POMT1: variants seen among roughly 807,000 people sequenced by gnomAD.
The protein encoded by POMT1 is protein O-mannosyltransferase 1, also known as protein O-mannosyl-transferase 1.
In POMT1, 85 loss-of-function variants were observed where a neutral mutation model predicts 101.6. The observed-to-expected ratio is 0.84, with a 90% CI of 0.70 to 1.00. The LOEUF is 1.00. Ranked by LOEUF, POMT1 falls within the 50% of genes least tolerant of loss-of-function variation. The pLI is 0.00. For missense variants in POMT1, 857 were observed against 930.4 expected (o/e 0.92, Z 1.03); for synonymous variants, 371 against 383.0 (o/e 0.97, Z 0.37).
intron 2 of POMT1, among the ~76,000 whole-genome samples, chr9:131,505,187 C>T (rs1381860151): frequency 6.6e-6 from 1 of 152,078 alleles, no homozygotes; most frequent in Admixed American, 6.6e-5. Context: ...TTTCATTACC[C>T]AGCTTCACCT....
chr9:131,522,680 T>G lies in POMT1; in HGVS notation c.2004-252T>G. 2 of 590,080 alleles carry G rather than the reference T, an allele frequency of 3.4e-6. No homozygotes were observed. The highest frequency in any genetic ancestry group is 6.0e-6 in the Non-Finnish European group (2 of 331,384). 36.6% of individuals were successfully genotyped at this position (590,080 alleles called of 1,614,324 possible). ...GCCACACAAGGGAGGACCGTGGGTT[T>G]GGGACCAGTCCTCTGGCATCTGTGT... On this transcript the variant is annotated intron_variant, in intron 19 of 19. Coordinates refer to ENST00000402686, the MANE Select transcript of POMT1 (RefSeq NM_001077365.2). This position sits in a 1 kb window ranked among gnomAD's most constrained non-coding sequence, Gnocchi z 5.5.
chr9:131,518,349 C>A, intron 13 of POMT1, 96 bp from the exon 14 acceptor site: 1 of 1,056,842 alleles, frequency 9.5e-7, no homozygotes, highest in Non-Finnish European at 1.5e-6. Flanking sequence ...TTGTCTCAGG[C>A]TCAAGTCAGT....
chr9:131,504,304 G>T lies in POMT1; in HGVS notation c.86G>T (p.Ser29Ile), dbSNP rs771234098. The T allele has an allele frequency of 5.6e-6, 9 of 1,614,100 alleles. No individual in the cohort carries two copies. Among genetic ancestry groups the T allele is most frequent in the Non-Finnish European group, 7.6e-6 (9 of 1,180,042 alleles). ...GCCCTGACTGGGATGGGGTTACTGAGCCGGCTGTGGCGACTCACCTACCCG... is the reference window on the plus strand; with the variant it reads ...GCCCTGACTGGGATGGGGTTACTGATCCGGCTGTGGCGACTCACCTACCCG... Reference protein sequence around the residue: ...LVALTGMGLLSRLWRLTYPRA... With the variant: ...LVALTGMGLLIRLWRLTYPRA... Residue 29 changes from serine to isoleucine, a missense_variant, in exon 2 of 20, where the codon AGC becomes ATC. Physicochemically the swap from Ser to Ile is moderately radical, Grantham distance 142. Transcript: ENST00000402686.
intron 13 of POMT1, among the ~76,000 whole-genome samples, chr9:131,515,940 C>T (rs544849871): frequency 4.9e-5 from 6 of 122,734 alleles, no homozygotes; most frequent in African/African-American, 1.5e-4. Flanking sequence ...GGGAGCACTT[C>T]CTCACACGGA....
chr9:131,522,626 A>G lies in POMT1; in HGVS notation c.2004-306A>G, dbSNP rs1034362797. ...CCAGAGTGTGTTTGGAGGTTGGAGC[A>G]GAGGGCGAGGGCCTCCCGGTTTCAG... On this transcript the variant is annotated intron_variant, in intron 19 of 19. Transcript: ENST00000402686. This position sits in a 1 kb window ranked among gnomAD's most constrained non-coding sequence, Gnocchi z 5.5. The G allele has an allele frequency of 9.2e-6, 5 of 543,890 alleles. No individual in the cohort carries two copies. The South Asian group carries it at 1.0e-4, about 11-fold the overall frequency. 33.7% of individuals were successfully genotyped at this position (543,890 alleles called of 1,614,324 possible). A position where few individuals can be genotyped will look rare whatever the true frequency, so the allele number is the denominator to read the frequency against.
intron 13 of POMT1, 120 bp from the exon 14 acceptor site, chr9:131,518,325 G>A (rs1483789642): frequency 1.8e-5 from 16 of 902,030 alleles, no homozygotes; most frequent in Non-Finnish European, 2.8e-5. Flanking sequence ...TCCCTCACTT[G>A]GGGACTTGTC....
chr9:131,515,392 G>C, intron 12 of POMT1, 34 bp from the exon 13 acceptor site: 2 of 1,603,758 alleles, frequency 1.2e-6, no homozygotes, highest in Non-Finnish European at 1.7e-6. Context: ...AGGAGTTCAA[G>C]GAATTTTCTG....
chr9:131,504,402 C>G, intron 2 of POMT1, 62 bp downstream of exon 2: 1 of 1,612,732 alleles, frequency 6.2e-7, no homozygotes, highest in South Asian at 1.1e-5. Context: ...CAGGAGGCGC[C>G]CTTACTGAAT....
At position 131,522,040 on chromosome 9, in the gene POMT1, C is replaced by T. The variant is rs148180760; in HGVS notation, c.1826-7C>T. The T allele has an allele frequency of 6.8e-6, 11 of 1,613,794 alleles. No homozygotes were observed. Among genetic ancestry groups the T allele is most frequent in the Non-Finnish European group, 9.3e-6 (11 of 1,179,938 alleles). On this transcript the variant is annotated splice_polypyrimidine_tract_variant and splice_region_variant and intron_variant, in intron 18 of 19. Transcript: ENST00000402686. The surrounding 1 kb of genome is among the most constrained non-coding windows in gnomAD (Gnocchi z 5.5). The stretch of plus-strand genomic sequence containing the variant: ...AGAGTCGGTGTAGCTCGAGCCCTTT[C>T]CTATAGATGCCTGGCTGCGCTGGGT...
At chr9:131,518,103 G>T (rs1446947261) in intron 13 of POMT1, 21 of 393,570 alleles carry the variant, frequency 5.3e-5, no homozygotes, top group South Asian at 4.4e-4. Flanking sequence ...GCCAGATAGG[G>T]ACTGAGACTT....
chr9:131,518,296 G>A (rs1415586523), intron 13 of POMT1, 149 bp from the exon 14 acceptor site: 1 of 813,578 alleles, frequency 1.2e-6, no homozygotes, highest in Admixed American at 1.7e-5. Context: ...AGGAAGGCCA[G>A]TACCAGCCCC....
In POMT1 at chr9:131,509,984, G is replaced by C. The variant is rs1946741782; in HGVS notation, c.687G>C (p.Gln229His). ...AVHAWHLLGDQTLSNVCVFCH... is the reference protein window; with the variant it reads ...AVHAWHLLGDHTLSNVCVFCH... ...ATGCCTGGCACCTGCTTGGAGACCA[G>C]ACTTTGTCCAATGTAGGTGCTGATG... The change falls in exon 8 of 20, where the codon CAG (glutamine) becomes CAC (histidine). Residue 229 changes from glutamine (Q) to histidine (H), a missense_variant. Gln to His is a conservative substitution (Grantham distance 24). Coordinates refer to ENST00000402686, the MANE Select transcript of POMT1 (RefSeq NM_001077365.2). 1 of 1,614,236 alleles carries C rather than the reference G, an allele frequency of 6.2e-7. No homozygotes were observed. Among genetic ancestry groups the C allele is most frequent in the Non-Finnish European group, 8.5e-7 (1 of 1,180,046 alleles).
chr9:131,514,284 T>C (rs978411142), intron 12 of POMT1, among the ~76,000 whole-genome samples: 1 of 152,054 alleles, frequency 6.6e-6, no homozygotes, highest in East Asian at 1.9e-4. Flanking sequence ...CCCGCCAAGG[T>C]CCCTGGTGAC....
At chr9:131,517,292 G>A (rs185918038) in intron 13 of POMT1, among the ~76,000 whole-genome samples, 28 of 151,610 alleles carry the variant, frequency 1.8e-4, no homozygotes, top group East Asian at 1.4e-3. Flanking sequence ...GTGCAGTGGC[G>A]TGATCTTGGC....
chr9:131,509,167 T>A, intron 6 of POMT1, 145 bp downstream of exon 6: 5 of 693,798 alleles, frequency 7.2e-6, no homozygotes, highest in South Asian at 6.5e-5. Context: ...AAATATCTTT[T>A]TTTTTGAGAC....
At chr9:131,506,731 G>T (rs112108228) in intron 4 of POMT1, 2 of 458,276 alleles carry the variant, frequency 4.4e-6, no homozygotes, top group Non-Finnish European at 8.0e-6. Flanking sequence ...TGTGATGATC[G>T]GTTGTACATG....
intron 5 of POMT1, 122 bp from the exon 6 acceptor site, chr9:131,508,789 T>G (rs992720395): frequency 1.4e-6 from 1 of 728,076 alleles, no homozygotes; most frequent in Non-Finnish European, 2.5e-6. Flanking sequence ...GTTTTAACAT[T>G]CACAACAGCC....
In POMT1 at chr9:131,522,953, C is replaced by T; in HGVS notation, c.2025C>T (p.Ile675=). The change falls in exon 20 of 20, where the codon ATC becomes ATT. Residue 675 remains isoleucine (I), a synonymous_variant. Coordinates refer to ENST00000402686, the MANE Select transcript of POMT1 (RefSeq NM_001077365.2). This position sits in a 1 kb window ranked among gnomAD's most constrained non-coding sequence, Gnocchi z 5.5. ...GCAGGTCCCAGCTCCAGAGGAGCAT[C>T]TTCAGCGCCCTGGTGGTGGCCTGGT... The part of the protein sequence containing the change: ...HLCRSQLQRS[I]FSALVVAWYS... 1 of 1,596,856 alleles carries T rather than the reference C, an allele frequency of 6.3e-7. No individual in the cohort carries two copies. Among genetic ancestry groups the T allele is most frequent in the Non-Finnish European group, 8.5e-7 (1 of 1,173,714 alleles).
rs779640638 is a variant in POMT1 at position 131,510,369 on chromosome 9, G to T, written c.809G>T (p.Gly270Val). 3.1e-6 allele frequency: 5 copies of T among 1,614,118 alleles called. No homozygotes were observed. Among genetic ancestry groups the T allele is most frequent in the Non-Finnish European group, 3.4e-6 (4 of 1,180,010 alleles). The change falls in exon 9 of 20, where the codon GGG (glycine) becomes GTG (valine). Residue 270 changes from glycine to valine, a missense_variant. By Grantham distance (109) the Gly-to-Val change is moderately radical. Coordinates refer to ENST00000402686, the MANE Select transcript of POMT1 (RefSeq NM_001077365.2). Reference sequence around the variant, plus strand: ...CACTTGATTCTAGTCTTCCGCTCTGGGCCCCACGACCAAATCATGTCCAGT... The same window carrying T: ...CACTTGATTCTAGTCTTCCGCTCTGTGCCCCACGACCAAATCATGTCCAGT... ...YVHLILVFRS[G>V]PHDQIMSSAF...
Sources: gnomAD v4.1 joint callset for allele counts (sites outside exome capture counted in the v4.1 genomes callset) on GRCh38, gnomAD v4.1.1 for gene constraint, Gnocchi (gnomAD v3.1) non-coding constraint, MANE v1.5 for transcripts, NCBI Gene and HGNC (gene_info 2026-07-23, HGNC 2026-07-21) for gene names.